The following ENPP3 variants were observed in gnomAD, a reference collection of about 807,000 sequenced individuals.
The protein encoded by ENPP3 is ectonucleotide pyrophosphatase/phosphodiesterase family member 3.
A neutral mutation model predicts 117.8 loss-of-function variants in ENPP3; 104 were observed. That is an observed-to-expected ratio of 0.88 (90% CI 0.75 to 1.04). ENPP3 has a LOEUF of 1.04. Among genes scored for constraint, ENPP3 ranks in the 50% least tolerant of loss-of-function variants. ENPP3 has a pLI of 0.00. For missense variants in ENPP3, 1,026 were observed against 1,051.9 expected (o/e 0.98, Z 0.34); for synonymous variants, 380 against 349.9 (o/e 1.09, Z -0.96).
rs145476922 is a variant in ENPP3, at chr6:131,677,861, C to T, written c.939-7C>T. Reference sequence around the variant, plus strand: ...ATAATATATTTCTGTTTCAATTTTACCCCTAGACCCAGGTTTTATACCATG... The same window carrying T: ...ATAATATATTTCTGTTTCAATTTTATCCCTAGACCCAGGTTTTATACCATG... On this transcript the variant is annotated splice_region_variant and splice_polypyrimidine_tract_variant and intron_variant, in intron 10 of 24. Transcript: ENST00000357639. 9.0e-5 allele frequency: 142 copies of T among 1,579,852 alleles called. No individual in the cohort carries two copies. In the East Asian group the frequency reaches 2.3e-3, roughly 25 times the overall value.
At position 131,745,902 on chromosome 6, in the gene ENPP3, C is replaced by T. The variant is rs1410751414; in HGVS notation, c.2458-884C>T. Among the ~76,000 whole-genome samples, 14 of 152,050 alleles carry T rather than the reference C, an allele frequency of 9.2e-5. No homozygotes were observed. The South Asian group carries it at 2.1e-3, about 23-fold the overall frequency. Reference sequence around the variant, plus strand: ...GGGAGGCCAAGGTGGGTGGATCACCCGAGATCAGGAGTTTAAGACCACCCT... The same window carrying T: ...GGGAGGCCAAGGTGGGTGGATCACCTGAGATCAGGAGTTTAAGACCACCCT... On this transcript the variant is annotated intron_variant, in intron 24 of 24. Coordinates refer to ENST00000357639, the MANE Select transcript of ENPP3 (RefSeq NM_005021.5).
At chr6:131,647,033 C>G (rs1332599136) in intron 2 of ENPP3, among the ~76,000 whole-genome samples, 1 of 149,828 alleles carries the variant, frequency 6.7e-6, no homozygotes, top group Non-Finnish European at 1.5e-5. Context: ...GCCACTGCAC[C>G]CATCTAATTT....
intron 2 of ENPP3, 75 bp from the exon 3 acceptor site, chr6:131,649,939 CTGTGTACTTCCTG>C (rs1778227176): frequency 7.3e-7 from 1 of 1,371,028 alleles, no homozygotes; most frequent in Non-Finnish European, 1.0e-6. Context: ...ATAGTCTGTG[CTGTGTACTTCCTG>C]TGTGCTTCCA....
At chr6:131,701,209 G>A (rs1779520883) in intron 15 of ENPP3, 5 of 1,212,702 alleles carry the variant, frequency 4.1e-6, no homozygotes, top group Non-Finnish European at 5.9e-6. Flanking sequence ...ACGACCGCCA[G>A]GTGTGAGAGG....
intron 17 of ENPP3, among the ~76,000 whole-genome samples, chr6:131,721,331 G>A (rs1050322727): frequency 6.6e-6 from 1 of 152,188 alleles, no homozygotes. Context: ...ATGTGACTTA[G>A]AGACCAAAAG....
Position 131,676,739 on chromosome 6 carries a change from T to C in ENPP3, c.876T>C (p.Ser292=). 6.3e-7 allele frequency: 1 copy of C among 1,594,892 alleles called. No homozygotes were observed. The highest frequency in any genetic ancestry group is 8.6e-7 in the Non-Finnish European group (1 of 1,162,560). The change falls in exon 10 of 25, where the codon AGT becomes AGC. Residue 292 remains serine, a synonymous_variant. Coordinates refer to ENST00000357639, the MANE Select transcript of ENPP3 (RefSeq NM_005021.5). ...TATTTCTACCCTATTTTTTCAGAAGTGTCCCATTTGAAGAGAGGATTTCTA... is the reference window on the plus strand; with the variant it reads ...TATTTCTACCCTATTTTTTCAGAAGCGTCCCATTTGAAGAGAGGATTTCTA... The part of the protein sequence containing the change: ...FPSIYMPYNG[S]VPFEERISTL...
chr6:131,731,154 T>C (rs1425672468), intron 20 of ENPP3, among the ~76,000 whole-genome samples: 1 of 152,218 alleles, frequency 6.6e-6, no homozygotes, highest in Admixed American at 6.5e-5. Context: ...ATGCCATATA[T>C]ACTCTCAGCT....
chr6:131,654,603 C>T (rs186090696), intron 5 of ENPP3, among the ~76,000 whole-genome samples: 1 of 152,192 alleles, frequency 6.6e-6, no homozygotes, highest in East Asian at 1.9e-4. Flanking sequence ...CCACCATTCT[C>T]AGCTAATTCA....
At chr6:131,641,790 TCCA>T (rs1181832117) in intron 2 of ENPP3, among the ~76,000 whole-genome samples, 6 of 138,318 alleles carry the variant, frequency 4.3e-5, no homozygotes, top group Non-Finnish European at 7.7e-5. Context: ...CTTACCTTTC[TCCA>T]CCCTGGTTTT....
At chr6:131,734,272 T>G (rs1780348789) in intron 21 of ENPP3, among the ~76,000 whole-genome samples, 1 of 152,032 alleles carries the variant, frequency 6.6e-6, no homozygotes, top group Non-Finnish European at 1.5e-5. Flanking sequence ...AATTTAAGTT[T>G]TTGTTGTTGT....
In ENPP3 at chr6:131,742,681, C is replaced by T. The variant is rs1020419118; in HGVS notation, c.2457+2301C>T. 2.1e-5 allele frequency among the ~76,000 whole-genome samples: 3 copies of T among 145,356 alleles called. No individual in the cohort carries two copies. The Admixed American group carries it at 2.1e-4, about 10-fold the overall frequency. ...TGTACTTAAGTCTCTTCACAATTTA[C>T]CCTCAGTTGACCTTACAGGCTATAA... On this transcript the variant is annotated intron_variant, in intron 24 of 24. Transcript: ENST00000357639.
rs116500473 is a variant in ENPP3 at position 131,664,548 on chromosome 6, T to G, written c.562+6128T>G. Among the ~76,000 whole-genome samples the G allele has an allele frequency of 6.5e-3, 990 of 152,314 alleles. 6 individuals carry two copies. Among genetic ancestry groups the G allele is most frequent in the African/African-American group, 0.023 (943 of 41,564 alleles). ...TCCTAAGTGTACAGTGTTTATCAAG[T>G]CTATAGTAGTTTACAGTAGTGTCCT... On this transcript the variant is annotated intron_variant, in intron 6 of 24. Coordinates refer to ENST00000357639, the MANE Select transcript of ENPP3 (RefSeq NM_005021.5).
intron 6 of ENPP3, among the ~76,000 whole-genome samples, chr6:131,661,271 T>C (rs1778493394): frequency 1.3e-5 from 2 of 152,062 alleles, no homozygotes; most frequent in Admixed American, 6.6e-5. Flanking sequence ...TATACTTTTA[T>C]TTTTACGTTT....
intron 10 of ENPP3, among the ~76,000 whole-genome samples, chr6:131,677,362 CAGAT>C (rs1224579128): frequency 6.6e-6 from 1 of 152,056 alleles, no homozygotes; most frequent in Non-Finnish European, 1.5e-5. Flanking sequence ...GAACCAGAGC[CAGAT>C]ATGGAATGGA....
At chr6:131,723,823 T>TCACACACACA (rs1429717327) in intron 18 of ENPP3, among the ~76,000 whole-genome samples, 5 of 143,078 alleles carry the variant, frequency 3.5e-5, no homozygotes, top group African/African-American at 8.8e-5. Flanking sequence ...TCTCTCTCTC[T>TCACACACACA]CTCTCACACA....
At chr6:131,726,238 A>ATAT in intron 20 of ENPP3, 38 bp downstream of exon 20, 1 of 1,573,978 alleles carries the variant, frequency 6.4e-7, no homozygotes, top group Non-Finnish European at 8.7e-7. Context: ...CAGGCAAGAA[A>ATAT]TATTTATAAT....
chr6:131,682,644 C>T (rs966760352), intron 11 of ENPP3, among the ~76,000 whole-genome samples: 8 of 152,162 alleles, frequency 5.3e-5, no homozygotes, highest in African/African-American at 1.7e-4. Context: ...GTTGCAGATG[C>T]TCTTTTTAAC....
At chr6:131,745,119 A>G (rs990960788) in intron 24 of ENPP3, among the ~76,000 whole-genome samples, 3 of 152,198 alleles carry the variant, frequency 2.0e-5, no homozygotes, top group Admixed American at 1.3e-4. Flanking sequence ...GAGAGAGTAG[A>G]GTCGTATAAA....
chr6:131,661,849 C>G (rs145299343), intron 6 of ENPP3, among the ~76,000 whole-genome samples: 1 of 152,066 alleles, frequency 6.6e-6, no homozygotes, highest in Non-Finnish European at 1.5e-5. Context: ...TCATATGTTG[C>G]CTTTTCATTT....
Sources: allele counts gnomAD v4.1 joint callset (sites outside exome capture counted in the v4.1 genomes callset), GRCh38; gene constraint gnomAD v4.1.1; transcripts MANE v1.5; gene names NCBI Gene and HGNC (gene_info 2026-07-23, HGNC 2026-07-21).